Variants in ARHGEF3 observed in about 807,000 individuals in gnomAD.
ARHGEF3 encodes the protein Rho guanine nucleotide exchange factor 3.
Under a neutral mutation model 63.2 loss-of-function variants are expected in ARHGEF3, and 28 were observed. That is an observed-to-expected ratio of 0.44 (90% CI 0.33 to 0.61). The LOEUF is 0.61. Among genes scored for constraint, ARHGEF3 ranks in the 20% least tolerant of loss-of-function variants. The probability of loss-of-function intolerance (pLI) is 0.03; values close to 1 mark genes in which losing one functional copy is unlikely to be tolerated. For synonymous variants in ARHGEF3, 266 were observed against 254.2 expected, an observed-to-expected ratio of 1.05 and a Z score of -0.44; for missense variants, 533 against 659.3, an observed-to-expected ratio of 0.81 and a Z score of 2.10.
intron 1 of ARHGEF3, among the ~76,000 whole-genome samples, chr3:57,045,977 A>C (rs1481808297): frequency 2.6e-5 from 4 of 152,234 alleles, no homozygotes; most frequent in Non-Finnish European, 5.9e-5. Context: ...ACTTGCAAGG[A>C]CAAATGCTTA....
At chr3:57,039,401 T>A (rs1704087839) in intron 1 of ARHGEF3, among the ~76,000 whole-genome samples, 1 of 152,196 alleles carries the variant, frequency 6.6e-6, no homozygotes, top group Admixed American at 6.5e-5. Flanking sequence ...CGTGACAATG[T>A]CGAGTCAACC....
chr3:56,803,047 G>T (rs541109436), upstream of ARHGEF3, among the ~76,000 whole-genome samples: 1 of 152,046 alleles, frequency 6.6e-6, no homozygotes, highest in Non-Finnish European at 1.5e-5. Context: ...GTTTACCAAA[G>T]AATATCATAT....
intron 7 of ARHGEF3, 152 bp from the exon 8 acceptor site, chr3:56,737,507 A>AT (rs1559888003): frequency 3.4e-6 from 2 of 582,614 alleles, no homozygotes; most frequent in African/African-American, 1.9e-5. Flanking sequence ...AAAAAAAAAA[A>AT]CATAAATACT....
chr3:57,043,973 C>A (rs1704338905), intron 1 of ARHGEF3, among the ~76,000 whole-genome samples: 1 of 152,184 alleles, frequency 6.6e-6, no homozygotes, highest in East Asian at 1.9e-4. Flanking sequence ...GAAGTGAGGT[C>A]CCATGACCAT....
intron 3 of ARHGEF3, among the ~76,000 whole-genome samples, chr3:56,882,743 T>A (rs1419109199): frequency 2.0e-5 from 3 of 152,126 alleles, no homozygotes; most frequent in Non-Finnish European, 4.4e-5. Flanking sequence ...GGTCTCGAAC[T>A]CCTGACCTCG....
chr3:56,736,049 AACACACACACACACACAC>A (rs10530565), intron 8 of ARHGEF3, among the ~76,000 whole-genome samples: 25 of 147,068 alleles, frequency 1.7e-4, no homozygotes, highest in African/African-American at 2.2e-4. Flanking sequence ...CAGAAATTTA[AACACACACACACACACAC>A]ACACACACAC....
At chr3:57,053,794 C>T (rs1406271325) in intron 1 of ARHGEF3, among the ~76,000 whole-genome samples, 1 of 152,208 alleles carries the variant, frequency 6.6e-6, no homozygotes, top group Non-Finnish European at 1.5e-5. Context: ...CCAGTCATCA[C>T]TGTGTTAGAA....
At chr3:56,739,461 C>T (rs1251190348) in intron 7 of ARHGEF3, among the ~76,000 whole-genome samples, 1 of 146,848 alleles carries the variant, frequency 6.8e-6, no homozygotes, top group Admixed American at 6.9e-5. Flanking sequence ...AGTGCAGTGG[C>T]GCCATCTTGG....
At chr3:56,965,461 C>T (rs561985582) in intron 2 of ARHGEF3, among the ~76,000 whole-genome samples, 3 of 152,026 alleles carry the variant, frequency 2.0e-5, no homozygotes, top group South Asian at 2.1e-4. Context: ...ATGGATTCTA[C>T]CGAACTTTCC....
chr3:56,769,427 T>C (rs1211918752), intron 2 of ARHGEF3, among the ~76,000 whole-genome samples: 1 of 152,250 alleles, frequency 6.6e-6, no homozygotes, highest in Non-Finnish European at 1.5e-5. Context: ...CTACCGGCAG[T>C]GCTAACCTTC....
chr3:56,749,640 G>A (rs1327414660), intron 6 of ARHGEF3, among the ~76,000 whole-genome samples: 1 of 152,062 alleles, frequency 6.6e-6, no homozygotes, highest in African/African-American at 2.4e-5. Context: ...TTTCTTTGTG[G>A]GCTAAAGAAG....
chr3:56,873,833 C>T (rs1289479554), intron 4 of ARHGEF3, among the ~76,000 whole-genome samples: 2 of 152,316 alleles, frequency 1.3e-5, no homozygotes, highest in East Asian at 3.9e-4. Flanking sequence ...GTTTGTAATT[C>T]TGGTGATAAA....
Position 57,073,521 on chromosome 3 carries a change from G to A in ARHGEF3, c.-28+5705C>T, listed in dbSNP as rs1030676823. 3.8e-6 allele frequency: 4 copies of A among 1,047,940 alleles called. No homozygotes were observed. In the African/African-American group the frequency reaches 6.4e-5, roughly 17 times the overall value. The allele number at this position is 1,047,940 out of a possible 1,614,324, so 64.9% of individuals were successfully genotyped here. ...TCTGCAGTATCTGGGTGACTGTGGG[G>A]TTTGGCTCTGTTTGAGCACCCCGGG... On this transcript the variant is annotated intron_variant, in intron 1 of 12. Transcript: ENST00000338458.
chr3:56,961,897 T>A (rs966413564), intron 2 of ARHGEF3, among the ~76,000 whole-genome samples: 1 of 151,960 alleles, frequency 6.6e-6, no homozygotes, highest in Admixed American at 6.6e-5. Flanking sequence ...AAAAACAAAT[T>A]AGCTGGGCAT....
At chr3:56,973,465 G>T (rs1701006002) in intron 2 of ARHGEF3, among the ~76,000 whole-genome samples, 3 of 152,068 alleles carry the variant, frequency 2.0e-5, no homozygotes, top group Admixed American at 2.0e-4. Flanking sequence ...GCAGATTTGG[G>T]GACAAAAATC....
At chr3:56,925,216 T>C (rs146659107) in intron 3 of ARHGEF3, among the ~76,000 whole-genome samples, 244 of 152,320 alleles carry the variant, frequency 1.6e-3, no homozygotes, top group African/African-American at 5.8e-3. Flanking sequence ...ACAACCAGCA[T>C]TGGTGGTGCA....
At chr3:56,767,374 A>G (rs2035759775) in intron 2 of ARHGEF3, among the ~76,000 whole-genome samples, 1 of 151,734 alleles carries the variant, frequency 6.6e-6, no homozygotes, top group Non-Finnish European at 1.5e-5. Context: ...TGAGGTCAGG[A>G]GATTGAGGCC....
rs71621851 is a variant in ARHGEF3, at chr3:56,943,913, CA to C, written c.129+14909del. ...TGGGCGACAGAGAGAGACTCCGACT[CA>C]AAAAAAAAAAAAACCTCTTTGGAAG... On this transcript the variant is annotated intron_variant, in intron 3 of 12. Coordinates refer to the ARHGEF3 transcript ENST00000338458. Among the ~76,000 whole-genome samples, 1,069 of 121,852 alleles carry C rather than the reference CA, an allele frequency of 8.8e-3. 13 individuals are homozygous for C. The highest frequency in any genetic ancestry group is 0.029 in the African/African-American group (941 of 32,874). 79.9% of individuals were successfully genotyped at this position (121,852 alleles called of 152,430 possible). A position where few individuals can be genotyped will look rare whatever the true frequency, so the allele number is the denominator to read the frequency against.
chr3:56,984,139 A>G lies in ARHGEF3; in HGVS notation c.63-25250T>C, dbSNP rs182141672. Reference sequence around the variant, plus strand: ...GCCTCACAGACACACAGCAGCCACAAGAGCTTACACAACCACTGAGCTGCC... The same window carrying G: ...GCCTCACAGACACACAGCAGCCACAGGAGCTTACACAACCACTGAGCTGCC... On this transcript the variant is annotated intron_variant, in intron 2 of 12. Transcript: ENST00000338458. Among the ~76,000 whole-genome samples, 525 of 152,252 alleles carry G rather than the reference A, an allele frequency of 3.4e-3. 1 individual carries two copies. The highest frequency in any genetic ancestry group is 6.8e-3 in the Middle Eastern group (2 of 294).
Sources: gnomAD v4.1 joint callset for allele counts (sites outside exome capture counted in the v4.1 genomes callset) on GRCh38, gnomAD v4.1.1 for gene constraint, MANE v1.5 for transcripts, NCBI Gene and HGNC (gene_info 2026-07-23, HGNC 2026-07-21) for gene names.